Variants in PLCXD3 observed in about 807,000 individuals in gnomAD.
PLCXD3 encodes the protein phosphatidylinositol specific phospholipase C X domain containing 3.
In PLCXD3, 19 loss-of-function variants were observed where a neutral mutation model predicts 25.5. The ratio of observed to expected loss-of-function variants is 0.75; its 90% CI spans 0.52 to 1.09. The LOEUF (loss-of-function observed/expected upper bound fraction) is 1.09. Among genes scored for constraint, PLCXD3 ranks in the 50% least tolerant of loss-of-function variants. PLCXD3 has a pLI of 0.00. For synonymous variants in PLCXD3, 174 were observed against 137.6 expected, an observed-to-expected ratio of 1.26 and a Z score of -1.85; for missense variants, 411 against 388.1, an observed-to-expected ratio of 1.06 and a Z score of -0.50.
chr5:41,470,661 T>A (rs1046499503), intron 1 of PLCXD3, among the ~76,000 whole-genome samples: 1 of 152,080 alleles, frequency 6.6e-6, no homozygotes, highest in African/African-American at 2.4e-5. Context: ...ATTGGCTGAG[T>A]TCCTAGTAAA....
intron 1 of PLCXD3, among the ~76,000 whole-genome samples, chr5:41,420,546 T>C (rs114662150): frequency 0.016 from 2,364 of 152,292 alleles, 61 homozygotes; most frequent in African/African-American, 0.055. Context: ...ACTGTCAGGG[T>C]CTACCTCCAA....
At chr5:41,386,551 A>G (rs1405695604) in intron 1 of PLCXD3, among the ~76,000 whole-genome samples, 1 of 152,122 alleles carries the variant, frequency 6.6e-6, no homozygotes, top group African/African-American at 2.4e-5. Context: ...CACATTATAT[A>G]GAAATGAGAC....
rs1491072094 is a variant in PLCXD3 at position 41,428,380 on chromosome 5, TTG to T, written c.104-45848_104-45847del. Among the ~76,000 whole-genome samples, 284 of 119,104 alleles carry T rather than the reference TTG, an allele frequency of 2.4e-3. 3 individuals carry two copies. Among genetic ancestry groups the T allele is most frequent in the African/African-American group, 7.0e-3 (211 of 29,956 alleles). The allele number at this position is 119,104 out of a possible 152,430, so 78.1% of individuals were successfully genotyped here. On this transcript the variant is annotated intron_variant, in intron 1 of 2. Transcript: ENST00000377801. ...GGTGATTAAGTTAAAATGAGTTTTT[TTG>T]TTTTTGTTTTTGTTTTTTTTAGGGT...
intron 2 of PLCXD3, among the ~76,000 whole-genome samples, chr5:41,350,698 C>T (rs111509963): frequency 0.015 from 2,215 of 152,158 alleles, 39 homozygotes; most frequent in Non-Finnish European, 0.019. Context: ...CGAGTGTCCA[C>T]CTAGAAAATA....
At chr5:41,375,474 C>T (rs1745265843) in intron 2 of PLCXD3, among the ~76,000 whole-genome samples, 1 of 152,080 alleles carries the variant, frequency 6.6e-6, no homozygotes. Context: ...GCTCTATGTC[C>T]TTGGGCAATC....
chr5:41,465,154 C>G lies in PLCXD3; in HGVS notation c.103+45270G>C, dbSNP rs113200934. 1.5e-4 allele frequency among the ~76,000 whole-genome samples: 23 copies of G among 151,948 alleles called. 2 individuals are homozygous for G. The highest frequency in any genetic ancestry group is 5.5e-4 in the African/African-American group (23 of 41,468). On this transcript the variant is annotated intron_variant, in intron 1 of 2. Coordinates refer to ENST00000377801, the MANE Select transcript of PLCXD3 (RefSeq NM_001005473.3). ...TTGGGGAGTTGGATTCCTAAGCTTG[C>G]TAAACGTATGACATGTTTTTCATTA...
intron 2 of PLCXD3, among the ~76,000 whole-genome samples, chr5:41,330,639 C>A (rs1743772228): frequency 6.6e-6 from 1 of 152,058 alleles, no homozygotes; most frequent in Admixed American, 6.6e-5. Flanking sequence ...CGAAACACAA[C>A]CAAAAAAGAC....
chr5:41,453,949 A>G (rs953403554), intron 1 of PLCXD3, among the ~76,000 whole-genome samples: 4 of 151,984 alleles, frequency 2.6e-5, no homozygotes, highest in Non-Finnish European at 4.4e-5. Context: ...CAATTTTCCA[A>G]ACATCCAACT....
intron 1 of PLCXD3, among the ~76,000 whole-genome samples, chr5:41,400,020 T>C (rs1385219459): frequency 6.6e-6 from 1 of 151,970 alleles, no homozygotes. Context: ...CAATTAAAAA[T>C]GGACAAAAGA....
At chr5:41,443,332 T>C (rs1747424095) in intron 1 of PLCXD3, among the ~76,000 whole-genome samples, 1 of 152,184 alleles carries the variant, frequency 6.6e-6, no homozygotes, top group Middle Eastern at 3.4e-3. Context: ...CGGTGCAATG[T>C]ATGCCATACC....
intron 2 of PLCXD3, among the ~76,000 whole-genome samples, chr5:41,321,735 C>A (rs116807630): frequency 2.4e-4 from 36 of 152,178 alleles, no homozygotes; most frequent in South Asian, 2.1e-3. Context: ...GACACATAGA[C>A]CAAGAGAAAA....
At chr5:41,401,253 T>G (rs1158681572) in intron 1 of PLCXD3, among the ~76,000 whole-genome samples, 2 of 152,084 alleles carry the variant, frequency 1.3e-5, no homozygotes, top group Non-Finnish European at 2.9e-5. Flanking sequence ...TTTGGTTTCC[T>G]CTTTTGGTGC....
At chr5:41,463,874 C>T (rs1747950061) in intron 1 of PLCXD3, among the ~76,000 whole-genome samples, 1 of 141,242 alleles carries the variant, frequency 7.1e-6, no homozygotes, top group South Asian at 2.1e-4. Context: ...TACCTTTCCT[C>T]TTTGAAAACT....
At chr5:41,333,365 A>C (rs2150475344) in intron 2 of PLCXD3, among the ~76,000 whole-genome samples, 1 of 152,290 alleles carries the variant, frequency 6.6e-6, no homozygotes, top group Middle Eastern at 3.4e-3. Context: ...TCACTTGAAA[A>C]TGTAAAGAAG....
chr5:41,381,358 T>C (rs1193339772), intron 2 of PLCXD3, among the ~76,000 whole-genome samples: 1 of 152,136 alleles, frequency 6.6e-6, no homozygotes, highest in African/African-American at 2.4e-5. Context: ...CATGTGAGTG[T>C]GACATTATTT....
chr5:41,416,332 A>G (rs562780976), intron 1 of PLCXD3, among the ~76,000 whole-genome samples: 1 of 152,236 alleles, frequency 6.6e-6, no homozygotes, highest in Non-Finnish European at 1.5e-5. Flanking sequence ...ACTTTCAACC[A>G]GGACATAACT....
intron 1 of PLCXD3, among the ~76,000 whole-genome samples, chr5:41,410,905 G>A (rs1304992667): frequency 1.3e-5 from 2 of 152,116 alleles, no homozygotes; most frequent in African/African-American, 4.8e-5. Flanking sequence ...CTTCTCCCCC[G>A]ATTTCTCCAC....
chr5:41,376,282 A>C (rs1023774328), intron 2 of PLCXD3, among the ~76,000 whole-genome samples: 1 of 152,040 alleles, frequency 6.6e-6, no homozygotes, highest in Non-Finnish European at 1.5e-5. Context: ...CATGTCAGCA[A>C]TTTTTATCTC....
At chr5:41,431,164 T>A (rs1747090590) in intron 1 of PLCXD3, among the ~76,000 whole-genome samples, 2 of 152,228 alleles carry the variant, frequency 1.3e-5, no homozygotes, top group Admixed American at 1.3e-4. Context: ...AGGGATTTTA[T>A]CTCTAACTGT....
Sources: gnomAD v4.1 joint callset for allele counts (sites outside exome capture counted in the v4.1 genomes callset) on GRCh38, gnomAD v4.1.1 for gene constraint, MANE v1.5 for transcripts, NCBI Gene and HGNC (gene_info 2026-07-23, HGNC 2026-07-21) for gene names.